DIDO1: variants seen among roughly 807,000 people sequenced by gnomAD.
DIDO1 encodes death-inducer obliterator 1.
Under a neutral mutation model 99.4 loss-of-function variants are expected in DIDO1, and 16 were observed. The observed-to-expected ratio is 0.16, with a 90% confidence interval of 0.11 to 0.24. DIDO1 has a LOEUF of 0.24. DIDO1 is among the 10% of genes least tolerant of loss of function. The pLI is 1.00. For synonymous variants in DIDO1, 1,366 were observed against 1,239.1 expected (o/e 1.10, Z -2.15); for missense variants, 2,996 against 3,014.0 (o/e 0.99, Z 0.14).
Position 62,879,121 on chromosome 20 carries a change from T to C in DIDO1, c.*112A>G. 1 of 979,610 alleles carries C rather than the reference T, an allele frequency of 1.0e-6. No homozygotes were observed. Among genetic ancestry groups the C allele is most frequent in the Non-Finnish European group, 1.4e-6 (1 of 718,864 alleles). The allele number at this position is 979,610 out of a possible 1,614,324, so 60.7% of individuals were successfully genotyped here. A position where few individuals can be genotyped will look rare whatever the true frequency, so the allele number is the denominator to read the frequency against. On this transcript the variant is annotated 3_prime_UTR_variant, in exon 16 of 16. Coordinates refer to ENST00000395343, the MANE Select transcript of DIDO1 (RefSeq NM_001193369.2). The surrounding 1 kb of genome is among the most constrained non-coding windows in gnomAD (Gnocchi z 6.3). ...ATTTACACAAAATTACAGTAATGTTTAAGTCCAGAATATTCTATCCTGAAT... is the reference window on the plus strand; with the variant it reads ...ATTTACACAAAATTACAGTAATGTTCAAGTCCAGAATATTCTATCCTGAAT...
chr20:62,892,172 A>G (rs757241912), intron 13 of DIDO1, 96 bp from the exon 14 acceptor site: 27 of 972,434 alleles, frequency 2.8e-5, no homozygotes, highest in Non-Finnish European at 3.4e-5. Flanking sequence ...CCAAGATTCA[A>G]GAAGACTACA....
intron 14 of DIDO1, 74 bp downstream of exon 14, chr20:62,891,913 G>T: frequency 8.0e-7 from 1 of 1,246,130 alleles, no homozygotes; most frequent in South Asian, 1.4e-5. Context: ...CCATCCAAAC[G>T]AGAGGTTAAA....
rs575836271 is a variant in DIDO1, at chr20:62,889,125, T to A, written c.3541+1835A>T. The A allele has an allele frequency of 6.1e-6, 6 of 985,526 alleles. No homozygotes were observed. The East Asian group carries it at 3.4e-4, about 56-fold the overall frequency. The allele number at this position is 985,526 out of a possible 1,614,324, so 61.0% of individuals were successfully genotyped here. ...TCGCGGAGCTGACAGTGTGGGTGGT[T>A]GGTGCCATCGCACTCAGCAGACAAG... is the stretch of plus-strand genomic sequence containing the variant. On this transcript the variant is annotated intron_variant, in intron 15 of 15. Transcript: ENST00000395343.
chr20:62,900,115 C>G (rs1270628774), intron 6 of DIDO1, among the ~76,000 whole-genome samples: 1 of 152,200 alleles, frequency 6.6e-6, no homozygotes, highest in East Asian at 1.9e-4. Context: ...CGCTGCTGGG[C>G]CCCCTGGGGG....
chr20:62,900,583 C>T (rs1220653987), intron 6 of DIDO1, among the ~76,000 whole-genome samples: 6 of 152,348 alleles, frequency 3.9e-5, no homozygotes, highest in Admixed American at 6.5e-5. Flanking sequence ...GAGACCAAGT[C>T]TGCTCAGTTC....
At position 62,893,899 on chromosome 20, in the gene DIDO1, C is replaced by A; in HGVS notation, c.2868G>T (p.Gly956=). 1.2e-6 allele frequency: 2 copies of A among 1,611,044 alleles called. No individual in the cohort carries two copies. Among genetic ancestry groups the A allele is most frequent in the East Asian group, 2.2e-5 (1 of 44,798 alleles). Reference sequence around the variant, plus strand: ...CGGACACTGTGACGGTGGTGACCACCCCGCTCCCACAGGAGGCTGGGCAGG... The same window carrying A: ...CGGACACTGTGACGGTGGTGACCACACCGCTCCCACAGGAGGCTGGGCAGG... ...LSPCPASCGS[G]VVTTVTVSGR... is the part of the protein sequence containing the mutation. Residue 956 remains glycine (G), a synonymous_variant, in exon 12 of 16, where the codon GGG becomes GGT. Coordinates refer to ENST00000395343, the MANE Select transcript of DIDO1 (RefSeq NM_001193369.2).
chr20:62,907,969 T>C (rs1227615669), intron 4 of DIDO1, among the ~76,000 whole-genome samples: 2 of 152,142 alleles, frequency 1.3e-5, no homozygotes, highest in Non-Finnish European at 2.9e-5. Context: ...GCCCCCCAAA[T>C]TGCATGAAAC....
chr20:62,910,154 C>CCCTCCCT, intron 3 of DIDO1, 134 bp from the exon 4 acceptor site: 1 of 1,000,540 alleles, frequency 1.0e-6, no homozygotes, highest in Non-Finnish European at 1.4e-6. Flanking sequence ...AGAACGTCCT[C>CCCTCCCT]ATGCCTTTCC....
chr20:62,925,820 T>A (rs2065241071), intron 1 of DIDO1, among the ~76,000 whole-genome samples: 1 of 151,772 alleles, frequency 6.6e-6, no homozygotes, highest in African/African-American at 2.4e-5. Flanking sequence ...CGCAACAAAC[T>A]ATTCCACAAA....
chr20:62,936,895 T>C (rs1314406310), intron 1 of DIDO1, among the ~76,000 whole-genome samples: 7 of 152,246 alleles, frequency 4.6e-5, no homozygotes, highest in African/African-American at 1.7e-4. Flanking sequence ...CAATAACTGT[T>C]TCCCATAGGG....
chr20:62,898,422 T>C (rs1458970140), intron 6 of DIDO1, among the ~76,000 whole-genome samples: 1 of 152,230 alleles, frequency 6.6e-6, no homozygotes, highest in Non-Finnish European at 1.5e-5. Context: ...CTTGCAACAG[T>C]ACTACATGGA....
chr20:62,879,914 C>T lies in DIDO1; in HGVS notation c.6042G>A (p.Gln2014=). ...QTPSRFHFQG[Q]APQVMKPGPR... The stretch of plus-strand genomic sequence containing the variant: ...GGCCCGGCTTCATCACCTGCGGGGC[C>T]TGGCCCTGGAAGTGAAATCGCGAAG... Residue 2014 remains glutamine, a synonymous_variant, in exon 16 of 16, where the codon CAG becomes CAA. Transcript: ENST00000395343. The surrounding 1 kb of genome is among the most constrained non-coding windows in gnomAD (Gnocchi z 6.3). 1.9e-6 allele frequency: 3 copies of T among 1,592,380 alleles called. No homozygotes were observed. Among genetic ancestry groups the T allele is most frequent in the South Asian group, 1.1e-5 (1 of 88,450 alleles).
At position 62,896,333 on chromosome 20, in the gene DIDO1, T is replaced by C. The variant is rs776681706; in HGVS notation, c.2114A>G (p.His705Arg). 3 of 1,614,018 alleles carry C rather than the reference T, an allele frequency of 1.9e-6. No individual in the cohort carries two copies. The highest frequency in any genetic ancestry group is 1.3e-5 in the African/African-American group (1 of 74,912). The change falls in exon 8 of 16, where the codon CAT (histidine) becomes CGT (arginine). Residue 705 changes from histidine to arginine, a missense_variant. This residue lies in a region of DIDO1 where 898 missense variants were observed against 972.7 expected (regional missense o/e 0.92). Coordinates refer to ENST00000395343, the MANE Select transcript of DIDO1 (RefSeq NM_001193369.2). The surrounding 1 kb of genome is among the most constrained non-coding windows in gnomAD (Gnocchi z 4.4). ...CAAGTTAAACATCTCCTTCTCAATATGGAGGGCAATTTTTCCTACTTCGTT... is the reference window on the plus strand; with the variant it reads ...CAAGTTAAACATCTCCTTCTCAATACGGAGGGCAATTTTTCCTACTTCGTT... ...TENEVGKIAL[H>R]IEKEMFNLFQ...
At chr20:62,903,058 T>A (rs1436192456) in intron 6 of DIDO1, among the ~76,000 whole-genome samples, 1 of 151,824 alleles carries the variant, frequency 6.6e-6, no homozygotes, top group East Asian at 1.9e-4. Flanking sequence ...GAGAAAAAAA[T>A]GGAATAAGAA....
upstream of DIDO1, among the ~76,000 whole-genome samples, chr20:62,929,758 GT>G (rs35776708): frequency 0.19 from 23,861 of 123,486 alleles, 2,446 homozygotes; most frequent in Middle Eastern, 0.25. Context: ...CCACTGTTTT[GT>G]TTTTTTTTTT....
chr20:62,919,301 G>T (rs2065093408), intron 1 of DIDO1, among the ~76,000 whole-genome samples: 1 of 152,198 alleles, frequency 6.6e-6, no homozygotes, highest in African/African-American at 2.4e-5. Context: ...CACTTCGGGA[G>T]GCTGAGGCAG....
At chr20:62,910,154 C>T in intron 3 of DIDO1, 134 bp from the exon 4 acceptor site, 2 of 1,000,542 alleles carry the variant, frequency 2.0e-6, no homozygotes, top group Non-Finnish European at 2.9e-6. Context: ...AGAACGTCCT[C>T]ATGCCTTTCC....
At chr20:62,937,856 C>T (rs1450499942) in exon 1 of DIDO1, 1 of 398,460 alleles carries the variant, frequency 2.5e-6, no homozygotes, top group African/African-American at 2.1e-5. Context: ...CGCTCCAACG[C>T]CTCCGCAGCA....
rs187247990 is a variant in DIDO1, at chr20:62,896,621, C to T, written c.1964G>A (p.Arg655His). ...SVPMASPAPG[R>H]LGAMSAAPSQ... is the part of the protein sequence containing the mutation. ...TGGTGCAGCACTCATAGCCCCAAGG[C>T]GTCCTGGGGCTGGCGAGGCCATTGG... Residue 655 changes from arginine (R) to histidine (H), a missense_variant, in exon 7 of 16, where the codon CGC becomes CAC. Transcript: ENST00000395343. The surrounding 1 kb of genome is among the most constrained non-coding windows in gnomAD (Gnocchi z 4.4). The T allele has an allele frequency of 3.4e-4, 555 of 1,613,716 alleles. 1 individual carries two copies. Among genetic ancestry groups the T allele is most frequent in the Non-Finnish European group, 4.3e-4 (507 of 1,179,674 alleles).
Sources: gnomAD v4.1 joint callset for allele counts (sites outside exome capture counted in the v4.1 genomes callset) on GRCh38, gnomAD v4.1.1 for gene constraint, gnomAD v4.1.1 regional missense constraint, Gnocchi (gnomAD v3.1) non-coding constraint, MANE v1.5 for transcripts, NCBI Gene and HGNC (gene_info 2026-07-23, HGNC 2026-07-21) for gene names.